SPECC1L: variants seen among roughly 807,000 people sequenced by gnomAD.
SPECC1L encodes sperm antigen with calponin homology and coiled-coil domains 1 like, also known as cytospin-A.
In SPECC1L, 40 loss-of-function variants were observed where a neutral mutation model predicts 116.8. That is an observed-to-expected ratio of 0.34 (90% CI 0.27 to 0.45). The LOEUF (loss-of-function observed/expected upper bound fraction) is 0.45. Among genes scored for constraint, SPECC1L ranks in the 20% least tolerant of loss-of-function variants. The pLI, the probability that SPECC1L is intolerant of heterozygous loss-of-function variation, is 1.00. For missense variants in SPECC1L, 1,110 were observed against 1,373.6 expected, an observed-to-expected ratio of 0.81 and a Z score of 3.03; for synonymous variants, 504 against 500.6, an observed-to-expected ratio of 1.01 and a Z score of -0.09.
chr22:24,352,854 A>G (rs1342633312), intron 11 of SPECC1L, among the ~76,000 whole-genome samples: 1 of 152,202 alleles, frequency 6.6e-6, no homozygotes, highest in African/African-American at 2.4e-5. Flanking sequence ...CCAACATATT[A>G]TAATGAAAAT....
intron 10 of SPECC1L, among the ~76,000 whole-genome samples, chr22:24,339,457 A>G (rs2041126717): frequency 6.6e-6 from 1 of 152,216 alleles, no homozygotes; most frequent in Non-Finnish European, 1.5e-5. Flanking sequence ...CCTCCGTGCC[A>G]TTGTGGAATG....
intron 3 of SPECC1L, among the ~76,000 whole-genome samples, chr22:24,305,843 C>T (rs1266375449): frequency 6.6e-6 from 1 of 152,108 alleles, no homozygotes; most frequent in Non-Finnish European, 1.5e-5. Context: ...TCATGTTAAG[C>T]ACTCACGGAT....
rs2042817437 is a variant in SPECC1L, at chr22:24,417,248, C to CAA, written c.*2626_*2627dup. On this transcript the variant is annotated 3_prime_UTR_variant, in exon 17 of 17. Coordinates refer to ENST00000314328, the MANE Select transcript of SPECC1L (RefSeq NM_015330.6). ...CTTGAATGTATTAAAATGGCTGAAA[C>CAA]AACAAGCTTGGGCTTTTCTAGCTTG... The CAA allele has an allele frequency of 6.6e-6, 1 of 152,570 alleles. No homozygotes were observed. The highest frequency in any genetic ancestry group is 2.4e-5 in the African/African-American group (1 of 41,458). 9.5% of individuals were successfully genotyped at this position (152,570 alleles called of 1,614,324 possible).
chr22:24,332,639 G>A lies in SPECC1L; in HGVS notation c.2397-1771G>A, dbSNP rs543082953. Reference sequence around the variant, plus strand: ...ATACAGAAGAAATGAGAGTTTAGCTGTTTACTCTTAAGCCAGACATTAAAG... The same window carrying A: ...ATACAGAAGAAATGAGAGTTTAGCTATTTACTCTTAAGCCAGACATTAAAG... On this transcript the variant is annotated intron_variant, in intron 8 of 16. Coordinates refer to ENST00000314328, the MANE Select transcript of SPECC1L (RefSeq NM_015330.6). Among the ~76,000 whole-genome samples the A allele has an allele frequency of 8.6e-5, 13 of 151,376 alleles. No individual in the cohort carries two copies. In the East Asian group the frequency reaches 2.5e-3, roughly 29 times the overall value.
intron 9 of SPECC1L, among the ~76,000 whole-genome samples, chr22:24,336,192 G>A (rs561655341): frequency 2.0e-5 from 3 of 152,068 alleles, no homozygotes; most frequent in African/African-American, 7.2e-5. Flanking sequence ...ATTCAAGTGT[G>A]CCACCTGAGC....
chr22:24,386,438 G>A (rs1361942246), intron 14 of SPECC1L, among the ~76,000 whole-genome samples: 2 of 152,044 alleles, frequency 1.3e-5, no homozygotes, highest in Non-Finnish European at 2.9e-5. Flanking sequence ...AGTCAGTGCA[G>A]TAAGGCAGAA....
intron 2 of SPECC1L, among the ~76,000 whole-genome samples, chr22:24,281,646 T>C (rs2048944703): frequency 6.6e-6 from 1 of 152,232 alleles, no homozygotes. Flanking sequence ...GTATTAATCT[T>C]GTATCCTGAG....
chr22:24,393,091 CAGTT>C (rs1432807308), intron 14 of SPECC1L, among the ~76,000 whole-genome samples: 7 of 152,178 alleles, frequency 4.6e-5, no homozygotes, highest in Non-Finnish European at 1.0e-4. Context: ...TTTGTCAAGG[CAGTT>C]ACAAGGGGAA....
chr22:24,272,646 G>A (rs1601472627), intron 1 of SPECC1L, among the ~76,000 whole-genome samples: 1 of 146,838 alleles, frequency 6.8e-6, no homozygotes, highest in Non-Finnish European at 1.5e-5. Context: ...CAGCCTGGGC[G>A]ACAGAGTGAG....
At chr22:24,403,253 T>A (rs541199462) in intron 14 of SPECC1L, among the ~76,000 whole-genome samples, 1 of 152,196 alleles carries the variant, frequency 6.6e-6, no homozygotes, top group Non-Finnish European at 1.5e-5. Context: ...TCTCTTGTTT[T>A]GTCGACCCTA....
chr22:24,383,792 ATTTTT>A (rs538972717), intron 14 of SPECC1L, among the ~76,000 whole-genome samples: 101 of 77,212 alleles, frequency 1.3e-3, no homozygotes, highest in Non-Finnish European at 1.7e-3. Context: ...ACCCACCACT[ATTTTT>A]TTTTTTTTTT....
chr22:24,365,007 G>GT (rs2041725061), intron 12 of SPECC1L, among the ~76,000 whole-genome samples: 1 of 151,956 alleles, frequency 6.6e-6, no homozygotes, highest in African/African-American at 2.4e-5. Context: ...TTTTTTGTTT[G>GT]TTTGTTTTTT....
intron 14 of SPECC1L, among the ~76,000 whole-genome samples, chr22:24,407,456 C>T (rs2042613665): frequency 6.6e-6 from 1 of 152,186 alleles, no homozygotes; most frequent in Non-Finnish European, 1.5e-5. Flanking sequence ...ACAGGAGCCT[C>T]TGCCTCGAGG....
At chr22:24,382,574 G>A (rs2042081481) in intron 14 of SPECC1L, among the ~76,000 whole-genome samples, 1 of 151,960 alleles carries the variant, frequency 6.6e-6, no homozygotes, top group African/African-American at 2.4e-5. Context: ...ACAGTGACGG[G>A]CGACTGTAGT....
Position 24,302,061 on chromosome 22 carries a change from T to A in SPECC1L, c.-37-134T>A, listed in dbSNP as rs545888691. 11,596 of 614,716 alleles carry A rather than the reference T, an allele frequency of 0.019. 173 individuals are homozygous for A. The highest frequency in any genetic ancestry group is 0.075 in the African/African-American group (3,900 of 52,194). 38.1% of individuals were successfully genotyped at this position (614,716 alleles called of 1,614,324 possible). ...ACTCCGTCTCAAAAAAAAAAAAAAATTTTTTTTCAACTTTTCTGTAGTGAC... is the reference window on the plus strand; with the variant it reads ...ACTCCGTCTCAAAAAAAAAAAAAAAATTTTTTTCAACTTTTCTGTAGTGAC... On this transcript the variant is annotated intron_variant, in intron 2 of 16. Transcript: ENST00000314328.
intron 10 of SPECC1L, among the ~76,000 whole-genome samples, chr22:24,342,684 A>AAAAAAAG (rs2041202499): frequency 6.6e-6 from 1 of 151,776 alleles, no homozygotes; most frequent in Non-Finnish European, 1.5e-5. Context: ...AAAAAAAAAA[A>AAAAAAAG]AAAAAAGAAA....
Position 24,414,725 on chromosome 22 carries a change from T to G in SPECC1L, c.*102T>G, listed in dbSNP as rs2042770924. On this transcript the variant is annotated 3_prime_UTR_variant, in exon 17 of 17. Coordinates refer to ENST00000314328, the MANE Select transcript of SPECC1L (RefSeq NM_015330.6). ...GCACCCCTGTAAAGCTTCCAGCAAC[T>G]CTGGGCTGCCCCACAGCGTGTGAGC... 4.0e-6 allele frequency: 4 copies of G among 1,009,508 alleles called. No homozygotes were observed. In the South Asian group the frequency reaches 5.4e-5, roughly 14 times the overall value. 62.5% of individuals were successfully genotyped at this position (1,009,508 alleles called of 1,614,324 possible).
At position 24,347,956 on chromosome 22, in the gene SPECC1L, G is replaced by C. The variant is rs557249985; in HGVS notation, c.2743+780G>C. On this transcript the variant is annotated intron_variant, in intron 11 of 16. Coordinates refer to ENST00000314328, the MANE Select transcript of SPECC1L (RefSeq NM_015330.6). ...CTCCCTAAGTGATGTGATTATAGGC[G>C]CAAGCTACCGCACCTGGCCTTCCAC... Among the ~76,000 whole-genome samples, 3 of 152,258 alleles carry C rather than the reference G, an allele frequency of 2.0e-5. No individual in the cohort carries two copies. In the East Asian group the frequency reaches 5.8e-4, roughly 29 times the overall value.
intron 4 of SPECC1L, 38 bp from the exon 5 acceptor site, chr22:24,321,250 G>T: frequency 6.2e-7 from 1 of 1,610,002 alleles, no homozygotes; most frequent in South Asian, 1.1e-5. Context: ...TTTTATTGCT[G>T]ACATTTTTGC....
Sources: allele counts gnomAD v4.1 joint callset (sites outside exome capture counted in the v4.1 genomes callset), GRCh38; gene constraint gnomAD v4.1.1; transcripts MANE v1.5; gene names NCBI Gene and HGNC (gene_info 2026-07-23, HGNC 2026-07-21).